Variants in CAMK4 observed in about 807,000 individuals in gnomAD.
CAMK4 encodes the protein calcium/calmodulin-dependent protein kinase type IV.
Under a neutral mutation model 44.9 loss-of-function variants are expected in CAMK4, and 22 were observed. The ratio of observed to expected loss-of-function variants is 0.49; its 90% CI spans 0.35 to 0.70. The LOEUF (loss-of-function observed/expected upper bound fraction) is 0.70, where lower values mean the gene tolerates loss of function less well. Among genes scored for constraint, CAMK4 ranks in the 30% least tolerant of loss-of-function variants. CAMK4 has a pLI of 0.01. For synonymous variants in CAMK4, 218 were observed against 215.4 expected, an observed-to-expected ratio of 1.01 and a Z score of -0.11; for missense variants, 498 against 586.8, an observed-to-expected ratio of 0.85 and a Z score of 1.56.
At chr5:111,225,109 G>A (rs1469313715) in intron 1 of CAMK4, among the ~76,000 whole-genome samples, 1 of 152,204 alleles carries the variant, frequency 6.6e-6, no homozygotes, top group African/African-American at 2.4e-5. Flanking sequence ...AGTGACACGA[G>A]AAATTAAACT....
At chr5:111,396,231 A>T (rs192974531) in intron 5 of CAMK4, among the ~76,000 whole-genome samples, 6 of 152,328 alleles carry the variant, frequency 3.9e-5, no homozygotes, top group Admixed American at 3.9e-4. Context: ...AGTCCTTCCA[A>T]ATTATTTATT....
At chr5:111,224,028 A>G (rs1748037698), upstream of CAMK4, 1 of 160,996 alleles carries the variant, frequency 6.2e-6, no homozygotes, top group African/African-American at 2.4e-5. This position sits in a 1 kb window ranked among gnomAD's most constrained non-coding sequence, Gnocchi z 5.7. Context: ...GTCTCCCTCC[A>G]GCTCCGGTCC....
chr5:111,422,421 T>C (rs1336474788), intron 5 of CAMK4, among the ~76,000 whole-genome samples: 1 of 152,216 alleles, frequency 6.6e-6, no homozygotes, highest in East Asian at 1.9e-4. Context: ...CTTTGCATAG[T>C]TGCTCACCAG....
chr5:111,408,560 T>TGG (rs1752519309), intron 5 of CAMK4, among the ~76,000 whole-genome samples: 1 of 152,000 alleles, frequency 6.6e-6, no homozygotes. Context: ...AACCATATCA[T>TGG]TCTGCCCCTG....
At chr5:111,267,641 T>C (rs1750312750) in intron 1 of CAMK4, among the ~76,000 whole-genome samples, 2 of 144,910 alleles carry the variant, frequency 1.4e-5, no homozygotes, top group South Asian at 4.3e-4. Flanking sequence ...AAGGCGGAGC[T>C]TGCAGTGAGC....
At chr5:111,295,333 G>T (rs1332893512) in intron 1 of CAMK4, among the ~76,000 whole-genome samples, 1 of 152,180 alleles carries the variant, frequency 6.6e-6, no homozygotes, top group Admixed American at 6.6e-5. Flanking sequence ...TTCTCATTTA[G>T]ATGCAGCACC....
At chr5:111,246,186 T>C (rs1222990509) in intron 1 of CAMK4, among the ~76,000 whole-genome samples, 1 of 152,218 alleles carries the variant, frequency 6.6e-6, no homozygotes, top group Non-Finnish European at 1.5e-5. Flanking sequence ...CATAAATGTA[T>C]TTGTACATAT....
intron 1 of CAMK4, among the ~76,000 whole-genome samples, chr5:111,247,507 T>G (rs967846336): frequency 4.0e-5 from 6 of 149,632 alleles, no homozygotes; most frequent in Non-Finnish European, 5.9e-5. Context: ...TATAACCTTA[T>G]AAATATTATT....
chr5:111,292,787 TG>T (rs2112628320), intron 1 of CAMK4, among the ~76,000 whole-genome samples: 2 of 152,042 alleles, frequency 1.3e-5, no homozygotes, highest in South Asian at 4.2e-4. Context: ...AAATATTAGC[TG>T]GGTGTGGTGG....
chr5:111,345,481 T>C (rs1749827632), intron 2 of CAMK4, among the ~76,000 whole-genome samples: 1 of 151,954 alleles, frequency 6.6e-6, no homozygotes, highest in Admixed American at 6.6e-5. Context: ...ATTTAGTTTG[T>C]ATGAAAATAA....
chr5:111,404,309 C>T (rs1414594581), intron 5 of CAMK4, among the ~76,000 whole-genome samples: 1 of 152,184 alleles, frequency 6.6e-6, no homozygotes, highest in East Asian at 1.9e-4. Flanking sequence ...CACAAGGACA[C>T]TCAAGTGTGC....
chr5:111,467,940 A>ACG (rs1754904430), intron 7 of CAMK4, among the ~76,000 whole-genome samples: 1 of 94,312 alleles, frequency 1.1e-5, no homozygotes, highest in Non-Finnish European at 2.6e-5. Context: ...ATTGTCACAC[A>ACG]CACACACACA....
chr5:111,358,480 A>T (rs900697144), intron 2 of CAMK4, among the ~76,000 whole-genome samples: 1 of 151,932 alleles, frequency 6.6e-6, no homozygotes, highest in African/African-American at 2.4e-5. Context: ...TATCAGATGG[A>T]TAGTTATATC....
chr5:111,368,458 G>C (rs942918050), intron 2 of CAMK4, among the ~76,000 whole-genome samples: 3 of 152,158 alleles, frequency 2.0e-5, no homozygotes, highest in African/African-American at 7.2e-5. Flanking sequence ...AGGTTGAAAG[G>C]AGATGGCTAT....
intron 1 of CAMK4, among the ~76,000 whole-genome samples, chr5:111,327,229 A>C (rs1382402096): frequency 6.7e-6 from 1 of 149,000 alleles, no homozygotes; most frequent in Admixed American, 6.9e-5. Context: ...TCGTTGTTCA[A>C]TTCCCACCTA....
chr5:111,266,269 C>A (rs1465086618), intron 1 of CAMK4: 3 of 151,856 alleles, frequency 2.0e-5, no homozygotes, highest in African/African-American at 7.3e-5. Context: ...GACGTTTGCC[C>A]ATGAGAACAT....
At chr5:111,321,419 C>G (rs1161712719) in intron 1 of CAMK4, among the ~76,000 whole-genome samples, 1 of 151,128 alleles carries the variant, frequency 6.6e-6, no homozygotes, top group African/African-American at 2.5e-5. Flanking sequence ...AGCCACCAAC[C>G]TTGCCTCTGC....
At chr5:111,446,594 C>A in intron 5 of CAMK4, 92 bp from the exon 6 acceptor site, 1 of 688,918 alleles carries the variant, frequency 1.5e-6, no homozygotes, top group Non-Finnish European at 2.5e-6. Flanking sequence ...GTTCTTGAAT[C>A]ACATAACTTA....
chr5:111,476,275 G>GTA (rs1755239730), intron 8 of CAMK4, among the ~76,000 whole-genome samples: 1 of 150,964 alleles, frequency 6.6e-6, no homozygotes, highest in Non-Finnish European at 1.5e-5. Flanking sequence ...GTGTGTTTGT[G>GTA]TGTGTGTGTG....
Sources: allele counts gnomAD v4.1 joint callset (sites outside exome capture counted in the v4.1 genomes callset), GRCh38; gene constraint gnomAD v4.1.1; non-coding constraint Gnocchi (gnomAD v3.1); transcripts MANE v1.5; gene names NCBI Gene and HGNC (gene_info 2026-07-23, HGNC 2026-07-21).